Variants in CHST9 observed in about 807,000 individuals in gnomAD.
CHST9 encodes GalNAc-4-sulfotransferase 2.
CHST9 carries 41 observed loss-of-function variants against 44.4 expected under a neutral mutation model. The observed-to-expected ratio is 0.92, with a 90% confidence interval of 0.72 to 1.20. The LOEUF is 1.20. Ranked by LOEUF, CHST9 falls within the 50% of genes most tolerant of loss-of-function variation. CHST9 has a pLI of 0.00. For missense variants in CHST9, 504 were observed against 516.5 expected (o/e 0.98, Z 0.23); for synonymous variants, 171 against 178.4 (o/e 0.96, Z 0.33).
In CHST9 at chr18:27,053,256, A is replaced by AAGAAGGAGAAGG. The variant is rs1222225670; in HGVS notation, c.122-4765_122-4754dup. Among the ~76,000 whole-genome samples, 120 of 80,542 alleles carry AAGAAGGAGAAGG rather than the reference A, an allele frequency of 1.5e-3. 1 individual carries two copies. Among genetic ancestry groups the AAGAAGGAGAAGG allele is most frequent in the Middle Eastern group, 6.3e-3 (1 of 160 alleles). The allele number at this position is 80,542 out of a possible 152,430, so 52.8% of individuals were successfully genotyped here. The stretch of plus-strand genomic sequence containing the variant: ...GAAGAAGAAGAAGAAGAAGAAGAAG[A>AAGAAGGAGAAGG]AGAAGGAGAAGGAGAAGGAGAAGGA... On this transcript the variant is annotated intron_variant, in intron 2 of 5. Transcript: ENST00000618847.
chr18:27,063,983 T>C (rs886123091), intron 2 of CHST9, among the ~76,000 whole-genome samples: 4 of 152,104 alleles, frequency 2.6e-5, no homozygotes, highest in African/African-American at 2.4e-5. Flanking sequence ...ATGTGCACAA[T>C]CCAATTATAT....
At chr18:27,069,010 C>T (rs940364653) in intron 2 of CHST9, among the ~76,000 whole-genome samples, 2 of 152,092 alleles carry the variant, frequency 1.3e-5, no homozygotes, top group African/African-American at 2.4e-5. Flanking sequence ...TGTTTGGATT[C>T]GGGGAAGAAA....
intron 2 of CHST9, among the ~76,000 whole-genome samples, chr18:27,137,923 AC>A (rs2058530311): frequency 1.3e-5 from 2 of 152,088 alleles, no homozygotes; most frequent in Admixed American, 6.5e-5. Flanking sequence ...ATTTATCCTA[AC>A]CAGCCCTCAT....
At chr18:27,106,627 A>T (rs1341390955) in intron 2 of CHST9, among the ~76,000 whole-genome samples, 2 of 152,218 alleles carry the variant, frequency 1.3e-5, no homozygotes, top group Non-Finnish European at 2.9e-5. Context: ...TTTAGTATTT[A>T]TAGTTTGTTT....
At chr18:27,129,865 C>T (rs775965234) in intron 2 of CHST9, among the ~76,000 whole-genome samples, 2 of 151,920 alleles carry the variant, frequency 1.3e-5, no homozygotes, top group East Asian at 1.9e-4. Context: ...TCTTGCTCCT[C>T]GTGGTGCATC....
At chr18:26,934,959 A>AAGAT (rs1190407356) in intron 5 of CHST9, 7 of 152,198 alleles carry the variant, frequency 4.6e-5, no homozygotes, top group Admixed American at 3.9e-4. Context: ...TTTCTCTTTC[A>AAGAT]AGATAGAAAA....
rs569852558 is a variant in CHST9, at chr18:27,010,374, T to G, written c.202+13742A>C. On this transcript the variant is annotated intron_variant, in intron 4 of 5. Transcript: ENST00000618847. ...TGTGTTCTTGTCTACTGTAAGTCAT[T>G]GGCCACACATGAATATTACATGACT... Among the ~76,000 whole-genome samples the G allele has an allele frequency of 4.0e-3, 609 of 152,294 alleles. 3 individuals are homozygous for G. The highest frequency in any genetic ancestry group is 0.014 in the African/African-American group (594 of 41,550).
chr18:27,178,936 T>C (rs1339054023), intron 1 of CHST9, among the ~76,000 whole-genome samples: 1 of 152,010 alleles, frequency 6.6e-6, no homozygotes, highest in Non-Finnish European at 1.5e-5. Flanking sequence ...ATAAGCATGT[T>C]TCAAGGGCAT....
intron 2 of CHST9, among the ~76,000 whole-genome samples, chr18:27,117,368 A>G (rs1210203183): frequency 6.6e-6 from 1 of 152,060 alleles, no homozygotes; most frequent in Non-Finnish European, 1.5e-5. Context: ...ATCCCTCATT[A>G]CAGTGGAACA....
chr18:27,154,550 G>T (rs1200901376), intron 1 of CHST9, among the ~76,000 whole-genome samples: 2 of 152,094 alleles, frequency 1.3e-5, no homozygotes, highest in Non-Finnish European at 2.9e-5. Context: ...TGAAAATAAA[G>T]AAGACCACAG....
At chr18:27,164,142 G>C (rs2058771207) in intron 1 of CHST9, among the ~76,000 whole-genome samples, 1 of 152,122 alleles carries the variant, frequency 6.6e-6, no homozygotes, top group African/African-American at 2.4e-5. Flanking sequence ...CAAGAGAGAA[G>C]GCAACAGATT....
intron 5 of CHST9, among the ~76,000 whole-genome samples, chr18:26,927,872 A>G (rs866386568): frequency 6.6e-6 from 1 of 152,166 alleles, no homozygotes; most frequent in African/African-American, 2.4e-5. Context: ...ACAAGGCCAC[A>G]TTTCAGACTA....
intron 4 of CHST9, among the ~76,000 whole-genome samples, chr18:27,018,619 T>C (rs1369999361): frequency 1.3e-5 from 2 of 152,174 alleles, no homozygotes; most frequent in African/African-American, 4.8e-5. Context: ...TCAGTTGAGA[T>C]TGTTAGGCTA....
intron 2 of CHST9, among the ~76,000 whole-genome samples, chr18:27,124,385 T>C (rs957903798): frequency 6.6e-6 from 1 of 152,332 alleles, no homozygotes; most frequent in East Asian, 1.9e-4. Flanking sequence ...CAAAGACTTA[T>C]GCTATTTAAA....
chr18:27,174,663 C>T (rs2058855187), intron 1 of CHST9, among the ~76,000 whole-genome samples: 1 of 151,948 alleles, frequency 6.6e-6, no homozygotes, highest in African/African-American at 2.4e-5. Context: ...AAAAATGTGG[C>T]TCTACTATTT....
intron 2 of CHST9, among the ~76,000 whole-genome samples, chr18:27,122,890 G>T (rs2058386801): frequency 1.3e-5 from 2 of 152,122 alleles, no homozygotes; most frequent in African/African-American, 4.8e-5. Flanking sequence ...TGAGTGAAAG[G>T]ACCAGCACTG....
At chr18:26,954,163 A>G (rs2056290083) in intron 4 of CHST9, among the ~76,000 whole-genome samples, 1 of 152,174 alleles carries the variant, frequency 6.6e-6, no homozygotes, top group African/African-American at 2.4e-5. Flanking sequence ...AGATTTGGTC[A>G]TTCAGCAGAC....
chr18:27,109,516 C>G, intron 2 of CHST9, among the ~76,000 whole-genome samples: 1 of 152,236 alleles, frequency 6.6e-6, no homozygotes, highest in East Asian at 1.9e-4. Flanking sequence ...CAGTTGAAGA[C>G]TACGCAAAGC....
intron 4 of CHST9, among the ~76,000 whole-genome samples, chr18:26,953,719 A>C (rs1467603779): frequency 1.3e-5 from 2 of 152,208 alleles, no homozygotes; most frequent in Non-Finnish European, 2.9e-5. Flanking sequence ...ATCAGCTGTC[A>C]GGTGTCATGT....
Sources: allele counts gnomAD v4.1 joint callset (sites outside exome capture counted in the v4.1 genomes callset), GRCh38; gene constraint gnomAD v4.1.1; transcripts MANE v1.5; gene names NCBI Gene and HGNC (gene_info 2026-07-23, HGNC 2026-07-21).